Variants in HIPK2 observed in about 807,000 individuals in gnomAD.
The protein encoded by HIPK2 is homeodomain interacting protein kinase 2.
A neutral mutation model predicts 113.7 loss-of-function variants in HIPK2; 27 were observed. The observed-to-expected ratio is 0.24, with a 90% CI of 0.17 to 0.33. The LOEUF (loss-of-function observed/expected upper bound fraction) is 0.33, where lower values mean the gene tolerates loss of function less well. Among genes scored for constraint, HIPK2 ranks in the 10% least tolerant of loss-of-function variants. The pLI is 1.00. For missense variants in HIPK2, 1,257 were observed against 1,588.0 expected (o/e 0.79, Z 3.54); for synonymous variants, 631 against 642.2 (o/e 0.98, Z 0.26).
chr7:139,718,557 GA>G (rs1248506913), intron 1 of HIPK2, among the ~76,000 whole-genome samples: 1 of 152,170 alleles, frequency 6.6e-6, no homozygotes, highest in Non-Finnish European at 1.5e-5. Context: ...CTGAGAGAAA[GA>G]GGTGTTGCTC....
At chr7:139,662,017 T>G (rs900863473) in intron 2 of HIPK2, among the ~76,000 whole-genome samples, 1 of 151,880 alleles carries the variant, frequency 6.6e-6, no homozygotes, top group Non-Finnish European at 1.5e-5. Context: ...TCACCAACTG[T>G]TATATGTTTA....
At chr7:139,771,249 T>C (rs534275776) in intron 1 of HIPK2, among the ~76,000 whole-genome samples, 268 of 152,178 alleles carry the variant, frequency 1.8e-3, no homozygotes, top group Non-Finnish European at 3.4e-3. Context: ...GATTCTTCTG[T>C]GTGCTTGCTC....
At chr7:139,682,764 T>C (rs545754312) in intron 2 of HIPK2, among the ~76,000 whole-genome samples, 1 of 152,246 alleles carries the variant, frequency 6.6e-6, no homozygotes, top group Non-Finnish European at 1.5e-5. Flanking sequence ...CGCGTTCCCC[T>C]TTCTTCTAAC....
In HIPK2 at chr7:139,564,039, G is replaced by C. The variant is rs1478504077; in HGVS notation, c.*8888C>G. 2.5e-6 allele frequency: 1 copy of C among 397,944 alleles called. No individual in the cohort carries two copies. The highest frequency in any genetic ancestry group is 4.4e-6 in the Non-Finnish European group (1 of 226,056). 24.7% of individuals were successfully genotyped at this position (397,944 alleles called of 1,614,324 possible). On this transcript the variant is annotated 3_prime_UTR_variant, in exon 15 of 15. Transcript: ENST00000406875. ...TGTCTGTTTAGAGTGGGTCTCAATGGACCAGGCTGAGCTGCCCCTCTGTCT... is the reference window on the plus strand; with the variant it reads ...TGTCTGTTTAGAGTGGGTCTCAATGCACCAGGCTGAGCTGCCCCTCTGTCT...
chr7:139,629,021 C>A lies in HIPK2; in HGVS notation c.1366G>T (p.Ala456Ser). Reference protein sequence around the residue: ...WRLKTPDDHEAETGIKSKEAR... With the variant: ...WRLKTPDDHESETGIKSKEAR... ...TCTTTTGACTTAATCCCTGTCTCTGCTTCATGGTCATCTGGTGTCTGTCAA... is the reference window on the plus strand; with the variant it reads ...TCTTTTGACTTAATCCCTGTCTCTGATTCATGGTCATCTGGTGTCTGTCAA... The change falls in exon 5 of 15, where the codon GCA (alanine) becomes TCA (serine). Residue 456 changes from alanine (A) to serine (S), a missense_variant. Transcript: ENST00000406875. 1 of 1,591,524 alleles carries A rather than the reference C, an allele frequency of 6.3e-7. No homozygotes were observed. The highest frequency in any genetic ancestry group is 8.6e-7 in the Non-Finnish European group (1 of 1,167,014).
At chr7:139,646,574 T>A (rs2883868) in intron 2 of HIPK2, among the ~76,000 whole-genome samples, 3,345 of 151,672 alleles carry the variant, frequency 0.022, 144 homozygotes, top group East Asian at 0.2. Flanking sequence ...CATCTTCTCA[T>A]TAACCAGTTT....
intron 2 of HIPK2, among the ~76,000 whole-genome samples, chr7:139,658,651 ACAGT>A (rs1228980313): frequency 6.6e-6 from 1 of 152,210 alleles, no homozygotes; most frequent in Non-Finnish European, 1.5e-5. Flanking sequence ...GGAAGAGGAG[ACAGT>A]CAGAGTTCTG....
chr7:139,599,076 G>C (rs1343491892), intron 11 of HIPK2, among the ~76,000 whole-genome samples: 1 of 152,140 alleles, frequency 6.6e-6, no homozygotes, highest in African/African-American at 2.4e-5. Flanking sequence ...ATATGAGGAA[G>C]CAGAAAACCA....
intron 1 of HIPK2, among the ~76,000 whole-genome samples, chr7:139,748,096 T>C (rs557831939): frequency 4.7e-4 from 71 of 152,216 alleles, no homozygotes; most frequent in African/African-American, 1.7e-3. Flanking sequence ...AAGGACAAAA[T>C]TGCTTTCTCT....
chr7:139,752,889 C>A (rs1796302986), intron 1 of HIPK2, among the ~76,000 whole-genome samples: 1 of 152,166 alleles, frequency 6.6e-6, no homozygotes, highest in African/African-American at 2.4e-5. Context: ...ACGGGCTGGA[C>A]TTCTGCACAT....
intron 9 of HIPK2, among the ~76,000 whole-genome samples, chr7:139,606,260 A>G (rs1462570204): frequency 6.6e-6 from 1 of 152,216 alleles, no homozygotes; most frequent in Non-Finnish European, 1.5e-5. Flanking sequence ...TGAGTTTCTG[A>G]CTACTTCTTT....
intron 10 of HIPK2, among the ~76,000 whole-genome samples, chr7:139,601,062 G>T (rs1211240241): frequency 6.6e-6 from 1 of 152,086 alleles, no homozygotes; most frequent in Non-Finnish European, 1.5e-5. Context: ...GGGCAACATG[G>T]CAAAACCCCC....
At chr7:139,704,190 A>T (rs1398009133) in intron 2 of HIPK2, among the ~76,000 whole-genome samples, 9 of 130,662 alleles carry the variant, frequency 6.9e-5, no homozygotes, top group African/African-American at 2.7e-4. Flanking sequence ...TATATCCAAC[A>T]TACACACCCA....
chr7:139,742,101 T>C (rs1456461719), intron 1 of HIPK2, among the ~76,000 whole-genome samples: 1 of 152,222 alleles, frequency 6.6e-6, no homozygotes, highest in Non-Finnish European at 1.5e-5. Flanking sequence ...GGAATGTAAA[T>C]GACAACATCT....
chr7:139,666,803 C>A (rs758748931), intron 2 of HIPK2, among the ~76,000 whole-genome samples: 12 of 152,158 alleles, frequency 7.9e-5, no homozygotes, highest in Non-Finnish European at 1.6e-4. Context: ...TGGCTCACAC[C>A]TATAATCCTA....
chr7:139,732,624 T>C (rs142677238), intron 1 of HIPK2, among the ~76,000 whole-genome samples: 48 of 152,166 alleles, frequency 3.2e-4, no homozygotes, highest in Non-Finnish European at 5.1e-4. Flanking sequence ...AGTGCTGCCC[T>C]TTCTAGCTCT....
intron 2 of HIPK2, among the ~76,000 whole-genome samples, chr7:139,708,226 G>T (rs1256989911): frequency 6.6e-6 from 1 of 152,118 alleles, no homozygotes; most frequent in Non-Finnish European, 1.5e-5. Flanking sequence ...AAATAAAGAG[G>T]GCAGGAGGAA....
At chr7:139,645,899 A>G (rs1217108744) in intron 2 of HIPK2, among the ~76,000 whole-genome samples, 1 of 152,186 alleles carries the variant, frequency 6.6e-6, no homozygotes, top group African/African-American at 2.4e-5. Context: ...AGCAGGAGTT[A>G]GGAACAAGAA....
chr7:139,577,107 C>T (rs1798516719), intron 13 of HIPK2, among the ~76,000 whole-genome samples: 1 of 150,576 alleles, frequency 6.6e-6, no homozygotes, highest in African/African-American at 2.4e-5. Context: ...AAGCAACAAA[C>T]AGACCCAGAC....
Sources: gnomAD v4.1 joint callset for allele counts (sites outside exome capture counted in the v4.1 genomes callset) on GRCh38, gnomAD v4.1.1 for gene constraint, MANE v1.5 for transcripts, NCBI Gene and HGNC (gene_info 2026-07-23, HGNC 2026-07-21) for gene names.